The following MKLN1 variants were observed in gnomAD, a reference collection of about 807,000 sequenced individuals.
The protein encoded by MKLN1 is muskelin.
Under a neutral mutation model 99.0 loss-of-function variants are expected in MKLN1, and 18 were observed. That is an observed-to-expected ratio of 0.18 (90% CI 0.13 to 0.27). The LOEUF is 0.27. Among genes scored for constraint, MKLN1 ranks in the 10% least tolerant of loss-of-function variants. The pLI, the probability that MKLN1 is intolerant of heterozygous loss-of-function variation, is 1.00. For missense variants in MKLN1, 621 were observed against 875.9 expected (o/e 0.71, Z 3.67); for synonymous variants, 288 against 293.2 (o/e 0.98, Z 0.18).
At chr7:131,465,747 G>A (rs1484514037) in intron 14 of MKLN1, among the ~76,000 whole-genome samples, 1 of 152,084 alleles carries the variant, frequency 6.6e-6, no homozygotes, top group East Asian at 1.9e-4. Context: ...CACAGTGTTC[G>A]CCAGGATGGT....
chr7:131,352,392 C>T (rs1330766478), intron 1 of MKLN1, among the ~76,000 whole-genome samples: 1 of 152,052 alleles, frequency 6.6e-6, no homozygotes, highest in Non-Finnish European at 1.5e-5. Flanking sequence ...ATTGTCATTT[C>T]TTTTAGATCC....
chr7:131,453,647 C>T (rs558965896), intron 12 of MKLN1, among the ~76,000 whole-genome samples: 6 of 151,910 alleles, frequency 3.9e-5, no homozygotes, highest in Middle Eastern at 3.4e-3. Context: ...ATTATAATTC[C>T]AATTATTTTT....
At chr7:131,418,093 G>C (rs1348984920) in intron 8 of MKLN1, among the ~76,000 whole-genome samples, 1 of 152,146 alleles carries the variant, frequency 6.6e-6, no homozygotes, top group African/African-American at 2.4e-5. Context: ...AGATGGCCGG[G>C]CACGGTGGCT....
chr7:131,136,802 C>T (rs1584784199), intron 1 of MKLN1, among the ~76,000 whole-genome samples: 3 of 152,192 alleles, frequency 2.0e-5, no homozygotes, highest in Non-Finnish European at 2.9e-5. Flanking sequence ...AAATGCCCTT[C>T]GTCCTGGCAT....
chr7:131,247,626 A>G (rs1323831814), intron 3 of MKLN1, among the ~76,000 whole-genome samples: 2 of 152,120 alleles, frequency 1.3e-5, no homozygotes, highest in Non-Finnish European at 2.9e-5. Context: ...CCGCTCCTAA[A>G]TGTCCAATCA....
chr7:131,397,655 T>C (rs58764897), intron 5 of MKLN1, among the ~76,000 whole-genome samples: 11,514 of 152,174 alleles, frequency 0.076, 544 homozygotes, highest in East Asian at 0.19. Context: ...GATCACACAA[T>C]TGTAAAGTGT....
intron 3 of MKLN1, among the ~76,000 whole-genome samples, chr7:131,253,907 G>C (rs1267839451): frequency 6.6e-6 from 1 of 152,208 alleles, no homozygotes; most frequent in African/African-American, 2.4e-5. Context: ...CAGGGAAAGA[G>C]ACAGCTAAGA....
At chr7:131,366,753 A>G (rs1336845779) in intron 1 of MKLN1, among the ~76,000 whole-genome samples, 1 of 152,228 alleles carries the variant, frequency 6.6e-6, no homozygotes, top group African/African-American at 2.4e-5. Flanking sequence ...TGGATGTTGC[A>G]GTGAGCTAAG....
At chr7:131,183,838 T>C (rs1796409562) in intron 2 of MKLN1, among the ~76,000 whole-genome samples, 1 of 152,144 alleles carries the variant, frequency 6.6e-6, no homozygotes, top group Non-Finnish European at 1.5e-5. Context: ...AGCCAATTCT[T>C]GAATCTTTGA....
chr7:131,484,100 TC>T (rs1382988406), intron 17 of MKLN1, among the ~76,000 whole-genome samples: 1 of 152,144 alleles, frequency 6.6e-6, no homozygotes, highest in Non-Finnish European at 1.5e-5. Context: ...CTACACTAGA[TC>T]AGTTGTATTC....
At chr7:131,483,492 GTGTTTC>G (rs1254868871) in intron 17 of MKLN1, among the ~76,000 whole-genome samples, 1 of 152,136 alleles carries the variant, frequency 6.6e-6, no homozygotes, top group East Asian at 1.9e-4. Flanking sequence ...CGTATTATGT[GTGTTTC>G]TGTTTAAAGA....
At chr7:131,258,187 C>T (rs1002285098) in intron 3 of MKLN1, among the ~76,000 whole-genome samples, 6 of 150,832 alleles carry the variant, frequency 4.0e-5, no homozygotes, top group Non-Finnish European at 5.9e-5. Flanking sequence ...GAAAGTTTCA[C>T]ATGTGTAATC....
intron 1 of MKLN1, among the ~76,000 whole-genome samples, chr7:131,114,945 A>G (rs950008526): frequency 6.6e-6 from 1 of 152,144 alleles, no homozygotes; most frequent in Non-Finnish European, 1.5e-5. Context: ...CAAGAAAAAA[A>G]AAAAAAGCAA....
chr7:131,372,948 C>T (rs1347090177), intron 1 of MKLN1, among the ~76,000 whole-genome samples: 4 of 150,788 alleles, frequency 2.7e-5, no homozygotes, highest in African/African-American at 9.7e-5. Context: ...TACCTTTTTC[C>T]TGCAGTATGT....
chr7:131,461,421 T>C (rs1326769999), intron 12 of MKLN1, among the ~76,000 whole-genome samples: 4 of 152,086 alleles, frequency 2.6e-5, no homozygotes, highest in African/African-American at 7.2e-5. Context: ...TGTATAAATA[T>C]AAATATTGTG....
chr7:131,140,399 C>T (rs2116255626), intron 1 of MKLN1, among the ~76,000 whole-genome samples: 1 of 152,188 alleles, frequency 6.6e-6, no homozygotes, highest in Non-Finnish European at 1.5e-5. Flanking sequence ...GAAATTTCAT[C>T]CCCAGCATTG....
At chr7:131,154,638 T>C (rs1795938270) in intron 2 of MKLN1, among the ~76,000 whole-genome samples, 1 of 152,194 alleles carries the variant, frequency 6.6e-6, no homozygotes, top group Admixed American at 6.5e-5. Context: ...ATCTATATTA[T>C]GATATGATAT....
intron 8 of MKLN1, among the ~76,000 whole-genome samples, chr7:131,422,278 T>C (rs998525297): frequency 6.6e-6 from 1 of 152,206 alleles, no homozygotes; most frequent in Non-Finnish European, 1.5e-5. Flanking sequence ...CCAGACATGG[T>C]AGCTCATACC....
At chr7:131,424,995 A>G (rs1353714858) in intron 8 of MKLN1, among the ~76,000 whole-genome samples, 1 of 152,158 alleles carries the variant, frequency 6.6e-6, no homozygotes, top group Non-Finnish European at 1.5e-5. Context: ...CCTCCTACCT[A>G]TGTGTTCTTT....
Sources: allele counts gnomAD v4.1 joint callset (sites outside exome capture counted in the v4.1 genomes callset), GRCh38; gene constraint gnomAD v4.1.1; transcripts MANE v1.5; gene names NCBI Gene and HGNC (gene_info 2026-07-23, HGNC 2026-07-21).